DSCAM: variants seen among roughly 807,000 people sequenced by gnomAD.
DSCAM encodes the protein DS cell adhesion molecule.
Under a neutral mutation model 217.7 loss-of-function variants are expected in DSCAM, and 47 were observed. That is an observed-to-expected ratio of 0.22 (90% confidence interval 0.17 to 0.28). The LOEUF is 0.28. DSCAM is among the 10% of genes least tolerant of loss of function. The pLI is 1.00. For missense variants in DSCAM, 2,080 were observed against 2,618.3 expected (o/e 0.79, Z 4.49); for synonymous variants, 1,056 against 1,015.3 (o/e 1.04, Z -0.76).
At chr21:40,772,573 T>C (rs1165295343) in intron 1 of DSCAM, among the ~76,000 whole-genome samples, 1 of 152,192 alleles carries the variant, frequency 6.6e-6, no homozygotes, top group Non-Finnish European at 1.5e-5. Context: ...CTCAGGCAGT[T>C]TTAGGAACTG....
chr21:40,043,850 C>G (rs2088798252), intron 31 of DSCAM, among the ~76,000 whole-genome samples: 1 of 152,214 alleles, frequency 6.6e-6, no homozygotes, highest in Admixed American at 6.5e-5. Flanking sequence ...ATTCAGGACA[C>G]CTGCAGAATA....
chr21:40,618,665 A>G (rs1435166558), intron 3 of DSCAM: 1 of 150,884 alleles, frequency 6.6e-6, no homozygotes, highest in Non-Finnish European at 1.5e-5. Flanking sequence ...AACTCTGAGA[A>G]AAAAAAAAAA....
chr21:40,169,308 C>G (rs1365086278), intron 15 of DSCAM, among the ~76,000 whole-genome samples: 1 of 152,038 alleles, frequency 6.6e-6, no homozygotes, highest in East Asian at 1.9e-4. Context: ...TGACAATAAG[C>G]CAAGCAGGAA....
At chr21:40,100,512 A>G (rs1307131066) in intron 20 of DSCAM, among the ~76,000 whole-genome samples, 1 of 152,180 alleles carries the variant, frequency 6.6e-6, no homozygotes, top group Non-Finnish European at 1.5e-5. Context: ...TAATTTCTAC[A>G]TGCATATTTT....
chr21:40,268,938 C>T (rs2073577702), intron 11 of DSCAM, among the ~76,000 whole-genome samples: 5 of 152,150 alleles, frequency 3.3e-5, no homozygotes, highest in South Asian at 4.1e-4. Flanking sequence ...CTGCCATCCA[C>T]CTTCAGCTAT....
chr21:40,756,960 T>C (rs1282676224), intron 1 of DSCAM, among the ~76,000 whole-genome samples: 10 of 150,682 alleles, frequency 6.6e-5, no homozygotes, highest in African/African-American at 2.5e-4. Context: ...GTAAGAAAGA[T>C]TGCCCAACAA....
At chr21:40,685,396 C>A (rs1447324450) in intron 3 of DSCAM, among the ~76,000 whole-genome samples, 1 of 152,182 alleles carries the variant, frequency 6.6e-6, no homozygotes, top group East Asian at 1.9e-4. Flanking sequence ...TGATGAGCAC[C>A]TGCCTTCCTT....
At chr21:40,351,331 T>A (rs1231434394) in intron 5 of DSCAM, among the ~76,000 whole-genome samples, 2 of 152,160 alleles carry the variant, frequency 1.3e-5, no homozygotes, top group Non-Finnish European at 2.9e-5. Flanking sequence ...AAGATGTTGA[T>A]AATAATAACA....
At chr21:40,022,704 G>T (rs531046693) in intron 32 of DSCAM, among the ~76,000 whole-genome samples, 14 of 152,174 alleles carry the variant, frequency 9.2e-5, no homozygotes, top group African/African-American at 2.9e-4. Flanking sequence ...CTCTGCTTCT[G>T]CCTCCAGGTA....
intron 3 of DSCAM, among the ~76,000 whole-genome samples, chr21:40,406,749 C>A (rs1601618569): frequency 2.6e-5 from 4 of 152,132 alleles, no homozygotes; most frequent in Admixed American, 2.6e-4. Context: ...TGCCACCATA[C>A]ATGCTAATTT....
chr21:40,477,285 TAAC>T (rs2075945177), intron 3 of DSCAM, among the ~76,000 whole-genome samples: 2 of 151,648 alleles, frequency 1.3e-5, no homozygotes, highest in African/African-American at 2.4e-5. Flanking sequence ...GAAATTGATC[TAAC>T]AAAAGATAAG....
chr21:40,847,096 G>A lies in DSCAM; in HGVS notation c.-435C>T, dbSNP rs543166006. ...GCGGGCGGGCAGGCTCATCTTTGCC[G>A]TGCTCCGGCCTCAGTCACATGGATC... On this transcript the variant is annotated 5_prime_UTR_variant, in exon 1 of 33. It adds an upstream start codon to the 5' untranslated region. Coordinates refer to ENST00000400454, the MANE Select transcript of DSCAM (RefSeq NM_001389.5). 6.6e-6 allele frequency: 1 copy of A among 152,302 alleles called. No individual in the cohort carries two copies. The highest frequency in any genetic ancestry group is 2.4e-5 in the African/African-American group (1 of 41,460). 9.4% of individuals were successfully genotyped at this position (152,302 alleles called of 1,614,324 possible).
At chr21:40,729,839 T>C (rs2090994321) in intron 1 of DSCAM, among the ~76,000 whole-genome samples, 1 of 152,216 alleles carries the variant, frequency 6.6e-6, no homozygotes, top group African/African-American at 2.4e-5. Flanking sequence ...CAACATACAC[T>C]GTGGTATTAA....
intron 11 of DSCAM, among the ~76,000 whole-genome samples, chr21:40,198,737 C>A (rs2146851368): frequency 6.6e-6 from 1 of 152,348 alleles, no homozygotes; most frequent in Non-Finnish European, 1.5e-5. Context: ...AGCTGAAAAC[C>A]TATTCTGGAG....
At chr21:40,567,656 A>T (rs956741073) in intron 3 of DSCAM, among the ~76,000 whole-genome samples, 1 of 152,164 alleles carries the variant, frequency 6.6e-6, no homozygotes, top group Admixed American at 6.5e-5. Flanking sequence ...TCTACAATGG[A>T]CTTACTCATC....
At chr21:40,244,787 AT>A (rs1395904574) in intron 11 of DSCAM, among the ~76,000 whole-genome samples, 1 of 152,138 alleles carries the variant, frequency 6.6e-6, no homozygotes, top group African/African-American at 2.4e-5. Flanking sequence ...AACAGACCTC[AT>A]TTTCCTCCAG....
intron 3 of DSCAM, among the ~76,000 whole-genome samples, chr21:40,514,853 T>C (rs1360122187): frequency 2.0e-5 from 3 of 152,204 alleles, no homozygotes; most frequent in Admixed American, 6.5e-5. Context: ...GGAACAACTT[T>C]GATTTAGAGT....
chr21:40,570,124 G>C (rs1286120193), intron 3 of DSCAM, among the ~76,000 whole-genome samples: 2 of 152,178 alleles, frequency 1.3e-5, no homozygotes, highest in Non-Finnish European at 2.9e-5. Context: ...AGAGAGCAAA[G>C]AGAATGCCCC....
chr21:40,278,706 T>G (rs1038405640), intron 10 of DSCAM, among the ~76,000 whole-genome samples: 19 of 151,872 alleles, frequency 1.3e-4, no homozygotes, highest in African/African-American at 4.1e-4. Flanking sequence ...TGAGATCTTG[T>G]CTCTAAAACA....
Sources: gnomAD v4.1 joint callset for allele counts (sites outside exome capture counted in the v4.1 genomes callset) on GRCh38, gnomAD v4.1.1 for gene constraint, MANE v1.5 for transcripts, NCBI Gene and HGNC (gene_info 2026-07-23, HGNC 2026-07-21) for gene names.